Variants in IGSF5 observed in about 807,000 individuals in gnomAD.
IGSF5 encodes the protein immunoglobulin superfamily 5 like.
Under a neutral mutation model 39.4 loss-of-function variants are expected in IGSF5, and 41 were observed. The ratio of observed to expected loss-of-function variants is 1.04; its 90% CI spans 0.81 to 1.35. The LOEUF is 1.35. Among genes scored for constraint, IGSF5 ranks in the 40% most tolerant of loss-of-function variants. The probability of loss-of-function intolerance (pLI) is 0.00; values close to 1 mark genes in which losing one functional copy is unlikely to be tolerated. For synonymous variants in IGSF5, 183 were observed against 175.3 expected, an observed-to-expected ratio of 1.04 and a Z score of -0.34; for missense variants, 487 against 494.6, an observed-to-expected ratio of 0.98 and a Z score of 0.15.
At chr21:39,721,500 T>C in the IGSF5 span, among the ~76,000 whole-genome samples, 3 of 152,222 alleles carry the variant, frequency 2.0e-5, no homozygotes, top group Admixed American at 2.0e-4. Flanking sequence ...TTAAAGCTGT[T>C]CAACTGATTG....
At chr21:39,750,220 TC>T (rs1391976955) in intron 2 of IGSF5, among the ~76,000 whole-genome samples, 3 of 152,192 alleles carry the variant, frequency 2.0e-5, no homozygotes, top group African/African-American at 7.2e-5. Context: ...ATTCTTCGCC[TC>T]CCCTGGCCCC....
At position 39,765,697 on chromosome 21, in the gene IGSF5, T is replaced by C; in HGVS notation, c.263T>C (p.Ile88Thr). 1 of 1,614,044 alleles carries C rather than the reference T, an allele frequency of 6.2e-7. No homozygotes were observed. Among genetic ancestry groups the C allele is most frequent in the Admixed American group, 1.7e-5 (1 of 60,016 alleles). The change falls in exon 3 of 9, where the codon ATC becomes ACC. Residue 88 changes from isoleucine (I) to threonine (T), a missense_variant. Coordinates refer to ENST00000380588, the MANE Select transcript of IGSF5 (RefSeq NM_001080444.2). The stretch of plus-strand genomic sequence containing the variant: ...AGCGTCAGGCCCATGGAGCCCATCA[T>C]CACCAATGACCGCTTCACCTCTCAG... ...VLSVRPMEPI[I>T]TNDRFTSQRY...
At chr21:39,750,351 G>A (rs913678745) in intron 2 of IGSF5, among the ~76,000 whole-genome samples, 3 of 151,998 alleles carry the variant, frequency 2.0e-5, no homozygotes, top group African/African-American at 7.3e-5. Context: ...CATTAAAAAA[G>A]CAGACCTTTC....
intron 5 of IGSF5, 67 bp downstream of exon 5, chr21:39,779,372 T>G: frequency 6.4e-7 from 1 of 1,566,124 alleles, no homozygotes; most frequent in East Asian, 2.3e-5. Context: ...TTGAAGTTAA[T>G]GAACTCATCA....
chr21:39,744,711 T>A (rs1302337456), upstream of IGSF5, among the ~76,000 whole-genome samples: 1 of 152,274 alleles, frequency 6.6e-6, no homozygotes, highest in Non-Finnish European at 1.5e-5. Context: ...CCCCATACTT[T>A]AAGATTTTTG....
rs190580208 is a variant in IGSF5, at chr21:39,783,594, T to G, written c.934+4289T>G. Among the ~76,000 whole-genome samples the G allele has an allele frequency of 8.9e-4, 135 of 152,374 alleles. 1 individual carries two copies. Among genetic ancestry groups the G allele is most frequent in the African/African-American group, 2.9e-3 (122 of 41,582 alleles). The stretch of plus-strand genomic sequence containing the variant: ...ATTGTTTTTTTGCTGTCGAGATGTT[T>G]GAGTTCCTTATATAGTCTGGATATT... On this transcript the variant is annotated intron_variant, in intron 5 of 8. Transcript: ENST00000380588.
intron 4 of IGSF5, among the ~76,000 whole-genome samples, chr21:39,778,697 C>G (rs2080153612): frequency 6.6e-6 from 1 of 152,128 alleles, no homozygotes; most frequent in African/African-American, 2.4e-5. Flanking sequence ...AACAAAATGT[C>G]TTTATTCCAG....
Position 39,745,520 on chromosome 21 carries a change from A to C in IGSF5, c.11A>C (p.Lys4Thr), listed in dbSNP as rs374624767. Reference protein sequence around the residue: MGQKERSTADTLPD... With the variant: MGQTERSTADTLPD... ...CGGGACCCAGGAGGTATGGGTCAGA[A>C]GGAAAGGTAAGGGCGCATGCGTGGG... The change falls in exon 1 of 9, where the codon AAG (lysine) becomes ACG (threonine). Residue 4 changes from lysine (K) to threonine (T), a missense_variant. Lys to Thr is a moderately conservative substitution (Grantham distance 78). Coordinates refer to ENST00000380588, the MANE Select transcript of IGSF5 (RefSeq NM_001080444.2). The C allele has an allele frequency of 2.8e-6, 2 of 716,978 alleles. No individual in the cohort carries two copies. The highest frequency in any genetic ancestry group is 4.0e-5 in the Admixed American group (2 of 49,984). The allele number at this position is 716,978 out of a possible 1,614,324, so 44.4% of individuals were successfully genotyped here. A position where few individuals can be genotyped will look rare whatever the true frequency, so the allele number is the denominator to read the frequency against.
the IGSF5 span, among the ~76,000 whole-genome samples, chr21:39,719,376 T>C: frequency 6.6e-6 from 1 of 151,978 alleles, no homozygotes; most frequent in Non-Finnish European, 1.5e-5. Flanking sequence ...CCAAAACCAG[T>C]ATCTGATACA....
intron 5 of IGSF5, among the ~76,000 whole-genome samples, chr21:39,785,081 C>T (rs201845520): frequency 2.6e-5 from 4 of 151,234 alleles, no homozygotes; most frequent in African/African-American, 7.3e-5. Flanking sequence ...GGTACATGTG[C>T]ACAATGTGCA....
intron 2 of IGSF5, among the ~76,000 whole-genome samples, chr21:39,761,435 A>G (rs2205202): frequency 0.077 from 11,762 of 152,320 alleles, 609 homozygotes; most frequent in East Asian, 0.28. Flanking sequence ...GCTTCCATGC[A>G]GCAAGAGAAA....
At chr21:39,716,342 T>C in the IGSF5 span, among the ~76,000 whole-genome samples, 19 of 152,326 alleles carry the variant, frequency 1.2e-4, no homozygotes, top group Admixed American at 1.2e-3. Context: ...TTTTTTTTCT[T>C]TTTTTAAAAA....
chr21:39,748,954 C>T (rs2079989741), intron 2 of IGSF5, among the ~76,000 whole-genome samples: 1 of 152,132 alleles, frequency 6.6e-6, no homozygotes. Context: ...TATTGTATAA[C>T]ACACACAAAA....
chr21:39,717,870 T>C, the IGSF5 span, among the ~76,000 whole-genome samples: 1 of 152,226 alleles, frequency 6.6e-6, no homozygotes, highest in East Asian at 1.9e-4. Context: ...TTTCTAGTTC[T>C]GTGAAGAATG....
intron 8 of IGSF5, among the ~76,000 whole-genome samples, chr21:39,798,462 C>T (rs181675959): frequency 2.0e-5 from 3 of 152,194 alleles, no homozygotes; most frequent in Non-Finnish European, 2.9e-5. Flanking sequence ...ACACTGAATC[C>T]GGAGTCTGGG....
At chr21:39,742,164 C>A (rs2898384), upstream of IGSF5, among the ~76,000 whole-genome samples, 1 of 151,436 alleles carries the variant, frequency 6.6e-6, no homozygotes, top group Admixed American at 6.6e-5. Flanking sequence ...AAACAGGAGA[C>A]GACAAATGGG....
chr21:39,769,753 A>G (rs1262642589), intron 3 of IGSF5, among the ~76,000 whole-genome samples: 1 of 152,000 alleles, frequency 6.6e-6, no homozygotes, highest in Non-Finnish European at 1.5e-5. Flanking sequence ...ATTCGTTTCC[A>G]TGAAAATATG....
chr21:39,716,885 A>G, the IGSF5 span, among the ~76,000 whole-genome samples: 1 of 152,228 alleles, frequency 6.6e-6, no homozygotes, highest in Non-Finnish European at 1.5e-5. Flanking sequence ...TGCTTGGTCA[A>G]ATGCTAGTTC....
At position 39,801,790 on chromosome 21, in the gene IGSF5, G is replaced by C. The variant is rs2087031257; in HGVS notation, c.*433G>C. The C allele has an allele frequency of 1.3e-5, 2 of 152,978 alleles. No homozygotes were observed. Among genetic ancestry groups the C allele is most frequent in the Non-Finnish European group, 2.9e-5 (2 of 68,440 alleles). The allele number at this position is 152,978 out of a possible 1,614,324, so 9.5% of individuals were successfully genotyped here. On this transcript the variant is annotated 3_prime_UTR_variant, in exon 9 of 9. Transcript: ENST00000380588. ...ATTACATATTATCAGTGAAATACGAGTATAAAAATTAGGGTCAACCAGAAA... is the reference window on the plus strand; with the variant it reads ...ATTACATATTATCAGTGAAATACGACTATAAAAATTAGGGTCAACCAGAAA...
Sources: gnomAD v4.1 joint callset for allele counts (sites outside exome capture counted in the v4.1 genomes callset) on GRCh38, gnomAD v4.1.1 for gene constraint, MANE v1.5 for transcripts, NCBI Gene and HGNC (gene_info 2026-07-23, HGNC 2026-07-21) for gene names.